Variants in MTA3 observed in about 807,000 individuals in gnomAD.
The protein encoded by MTA3 is metastasis-associated protein MTA3.
Under a neutral mutation model 83.5 loss-of-function variants are expected in MTA3, and 34 were observed. The ratio of observed to expected loss-of-function variants is 0.41; its 90% CI spans 0.31 to 0.54. The LOEUF is 0.54. Ranked by LOEUF, MTA3 falls within the 20% of genes least tolerant of loss-of-function variation. The pLI is 0.33. For synonymous variants in MTA3, 303 were observed against 252.7 expected (o/e 1.20, Z -1.89); for missense variants, 761 against 726.4 (o/e 1.05, Z -0.55).
chr2:42,740,381 C>A (rs768905120), intron 16 of MTA3, among the ~76,000 whole-genome samples: 1 of 152,198 alleles, frequency 6.6e-6, no homozygotes, highest in African/African-American at 2.4e-5. Context: ...CATAGTAGCA[C>A]ATGGCCTGTA....
At chr2:42,547,690 T>G (rs769336804) in intron 2 of MTA3, among the ~76,000 whole-genome samples, 1 of 152,236 alleles carries the variant, frequency 6.6e-6, no homozygotes, top group Non-Finnish European at 1.5e-5. Flanking sequence ...TGGCCAAGAC[T>G]TAGCTATTGT....
chr2:42,739,255 C>T (rs891316115), intron 16 of MTA3, among the ~76,000 whole-genome samples: 4 of 152,068 alleles, frequency 2.6e-5, no homozygotes, highest in Non-Finnish European at 4.4e-5. Context: ...CTCAAGCCAG[C>T]CGACACTTAG....
At chr2:42,592,670 G>A (rs1169050172) in intron 3 of MTA3, among the ~76,000 whole-genome samples, 1 of 152,158 alleles carries the variant, frequency 6.6e-6, no homozygotes. Context: ...CACAGGGTCA[G>A]GATCATCAAT....
chr2:42,604,488 C>T (rs1020859768), intron 3 of MTA3, among the ~76,000 whole-genome samples: 2 of 151,464 alleles, frequency 1.3e-5, no homozygotes, highest in African/African-American at 4.9e-5. Flanking sequence ...GTGTTTTATG[C>T]TGTAACTTTG....
intron 2 of MTA3, among the ~76,000 whole-genome samples, chr2:42,553,831 A>T (rs187022003): frequency 1.4e-5 from 2 of 145,074 alleles, no homozygotes; most frequent in African/African-American, 5.1e-5. Context: ...AGATTGTGCC[A>T]CTGCAGTCCA....
intron 4 of MTA3, among the ~76,000 whole-genome samples, chr2:42,633,844 G>A (rs1285496420): frequency 1.4e-5 from 2 of 145,184 alleles, no homozygotes; most frequent in Non-Finnish European, 3.0e-5. Context: ...AGCCGAGACC[G>A]CGCCACTGCA....
chr2:42,714,444 A>G (rs1666880572), intron 14 of MTA3, among the ~76,000 whole-genome samples: 1 of 152,124 alleles, frequency 6.6e-6, no homozygotes, highest in African/African-American at 2.4e-5. Flanking sequence ...TTCCAGTTCT[A>G]GAAGCAAACT....
chr2:42,524,977 C>CT (rs1273570325), intron 2 of MTA3, among the ~76,000 whole-genome samples: 6 of 140,220 alleles, frequency 4.3e-5, no homozygotes, highest in Non-Finnish European at 6.1e-5. Flanking sequence ...TTTTTTTATA[C>CT]TTTAAGTTTT....
At chr2:42,553,606 A>C (rs1444622215) in intron 2 of MTA3, among the ~76,000 whole-genome samples, 1 of 140,818 alleles carries the variant, frequency 7.1e-6, no homozygotes, top group Admixed American at 7.2e-5. Context: ...ATGGTGGCGC[A>C]TGCCTGTAAT....
chr2:42,680,257 G>A (rs1558575549), intron 8 of MTA3: 1 of 152,260 alleles, frequency 6.6e-6, no homozygotes, highest in Non-Finnish European at 1.5e-5. Context: ...AGAGCCCTAA[G>A]CACCTCCAGA....
intron 2 of MTA3, among the ~76,000 whole-genome samples, chr2:42,515,239 A>G (rs1675090555): frequency 6.6e-6 from 1 of 151,510 alleles, no homozygotes; most frequent in Non-Finnish European, 1.5e-5. Flanking sequence ...TTGTATTTTT[A>G]GTAGAGACAG....
chr2:42,539,930 G>T (rs1676444910), intron 2 of MTA3, among the ~76,000 whole-genome samples: 1 of 152,056 alleles, frequency 6.6e-6, no homozygotes, highest in African/African-American at 2.4e-5. Flanking sequence ...ATGGCCTGTG[G>T]TTTCCTGAGA....
At chr2:42,529,743 A>G (rs1430055980) in intron 2 of MTA3, among the ~76,000 whole-genome samples, 1 of 152,150 alleles carries the variant, frequency 6.6e-6, no homozygotes, top group East Asian at 1.9e-4. Flanking sequence ...CTGCCCTACA[A>G]CTGAAGTTGT....
intron 3 of MTA3, among the ~76,000 whole-genome samples, chr2:42,588,004 A>G (rs1448951570): frequency 6.6e-6 from 1 of 152,162 alleles, no homozygotes; most frequent in African/African-American, 2.4e-5. Flanking sequence ...TTCTGAGTTC[A>G]TAAGGCTCAG....
chr2:42,747,093 C>G (rs971484889), intron 16 of MTA3, among the ~76,000 whole-genome samples: 5 of 151,990 alleles, frequency 3.3e-5, no homozygotes, highest in African/African-American at 1.2e-4. Flanking sequence ...CCTCTGTCTC[C>G]CGGGTTCGAG....
intron 2 of MTA3, among the ~76,000 whole-genome samples, chr2:42,558,400 G>A (rs1171244072): frequency 6.6e-6 from 1 of 151,254 alleles, no homozygotes; most frequent in African/African-American, 2.4e-5. Context: ...AAAGGCATGT[G>A]CCACCACGCC....
intron 4 of MTA3, among the ~76,000 whole-genome samples, chr2:42,615,093 C>A (rs1470599504): frequency 6.6e-6 from 1 of 151,864 alleles, no homozygotes; most frequent in East Asian, 1.9e-4. Flanking sequence ...GAGTTGAAGG[C>A]CAGCCTGGCC....
intron 2 of MTA3, among the ~76,000 whole-genome samples, chr2:42,578,387 A>G (rs951493445): frequency 6.6e-6 from 1 of 152,194 alleles, no homozygotes; most frequent in Non-Finnish European, 1.5e-5. Flanking sequence ...GAAGAACCTA[A>G]CTGAATATTG....
chr2:42,628,513 C>T (rs1473405986), intron 4 of MTA3, among the ~76,000 whole-genome samples: 2 of 152,130 alleles, frequency 1.3e-5, no homozygotes, highest in Admixed American at 6.6e-5. Flanking sequence ...GGATTACAGG[C>T]GTGAGCCACC....
Sources: gnomAD v4.1 joint callset for allele counts (sites outside exome capture counted in the v4.1 genomes callset) on GRCh38, gnomAD v4.1.1 for gene constraint, MANE v1.5 for transcripts, NCBI Gene and HGNC (gene_info 2026-07-23, HGNC 2026-07-21) for gene names.